MITF: variants seen among roughly 807,000 people sequenced by gnomAD.
MITF encodes microphthalmia-associated transcription factor.
In MITF, 17 loss-of-function variants were observed where a neutral mutation model predicts 60.5. The observed-to-expected ratio is 0.28, with a 90% CI of 0.19 to 0.42. The LOEUF (loss-of-function observed/expected upper bound fraction) is 0.42, where lower values mean the gene tolerates loss of function less well. Ranked by LOEUF, MITF falls within the 10% of genes least tolerant of loss-of-function variation. MITF has a pLI of 1.00. For missense variants in MITF, 622 were observed against 683.5 expected (o/e 0.91, Z 1.00); for synonymous variants, 260 against 248.5 (o/e 1.05, Z -0.43).
At position 69,856,602 on chromosome 3, in the gene MITF, T is replaced by C. The variant is rs567205827; in HGVS notation, c.105-22532T>C. On this transcript the variant is annotated intron_variant, in intron 1 of 9. Coordinates refer to ENST00000352241, the MANE Select transcript of MITF (RefSeq NM_001354604.2). ...TGAGATCATCTTGTATCCCACACTT[T>C]GGGAACTTTTGCTCAAGATTTACCA... 2.0e-5 allele frequency among the ~76,000 whole-genome samples: 3 copies of C among 152,308 alleles called. No homozygotes were observed. In the South Asian group the frequency reaches 6.2e-4, roughly 32 times the overall value.
At chr3:69,806,051 C>T (rs193155258) in intron 1 of MITF, among the ~76,000 whole-genome samples, 5 of 151,422 alleles carry the variant, frequency 3.3e-5, no homozygotes, top group East Asian at 3.9e-4. Flanking sequence ...CTTTGCAAAG[C>T]GGATTTGGGG....
At position 69,965,055 on chromosome 3, in the gene MITF, C is replaced by T; in HGVS notation, c.1388C>T (p.Thr463Ile). The T allele has an allele frequency of 6.2e-7, 1 of 1,614,152 alleles. No homozygotes were observed. The highest frequency in any genetic ancestry group is 1.1e-5 in the South Asian group (1 of 91,088). The change falls in exon 10 of 10, where the codon ACT (threonine) becomes ATT (isoleucine). Residue 463 changes from threonine (T) to isoleucine (I), a missense_variant. Coordinates refer to ENST00000352241, the MANE Select transcript of MITF (RefSeq NM_001354604.2). ...ATCACCTTCAACAACAACCTCGGAA[C>T]TGGGACTGAGGCCAACCAAGCCTAT... is the stretch of plus-strand genomic sequence containing the variant. ...GTITFNNNLG[T>I]GTEANQAYSV...
At chr3:69,830,232 T>G (rs1246412893) in intron 1 of MITF, among the ~76,000 whole-genome samples, 1 of 152,174 alleles carries the variant, frequency 6.6e-6, no homozygotes, top group Non-Finnish European at 1.5e-5. Flanking sequence ...AAGAGCCTTC[T>G]GCAGTTTGGC....
chr3:69,799,365 A>G (rs2062880803), intron 1 of MITF, among the ~76,000 whole-genome samples: 1 of 152,192 alleles, frequency 6.6e-6, no homozygotes. Flanking sequence ...GAAAGAGGAA[A>G]TAACTGGGAA....
intron 1 of MITF, among the ~76,000 whole-genome samples, chr3:69,767,467 C>A (rs1211640256): frequency 1.3e-5 from 2 of 152,028 alleles, no homozygotes; most frequent in Admixed American, 6.6e-5. Flanking sequence ...CACCTGTAAT[C>A]CCAGCTACTT....
At chr3:69,785,457 A>G (rs2062633140) in intron 1 of MITF, among the ~76,000 whole-genome samples, 1 of 152,208 alleles carries the variant, frequency 6.6e-6, no homozygotes, top group Non-Finnish European at 1.5e-5. Flanking sequence ...TCACATGACC[A>G]GTAAGCAATC....
chr3:69,827,534 G>T (rs945309917), intron 1 of MITF, among the ~76,000 whole-genome samples: 1 of 152,150 alleles, frequency 6.6e-6, no homozygotes, highest in Non-Finnish European at 1.5e-5. Context: ...TATGTCACTT[G>T]TACTCACATT....
intron 2 of MITF, among the ~76,000 whole-genome samples, chr3:69,903,105 A>G (rs1387730009): frequency 6.6e-6 from 1 of 152,218 alleles, no homozygotes; most frequent in Non-Finnish European, 1.5e-5. Flanking sequence ...ATGAAACCAT[A>G]GAGATGAAAA....
intron 1 of MITF, among the ~76,000 whole-genome samples, chr3:69,775,813 C>G (rs1319966773): frequency 6.6e-6 from 1 of 152,118 alleles, no homozygotes. Flanking sequence ...AGCAGAGTTA[C>G]CTACTGTGTG....
intron 1 of MITF, among the ~76,000 whole-genome samples, chr3:69,752,582 T>C (rs1458762890): frequency 3.3e-5 from 5 of 152,206 alleles, no homozygotes; most frequent in Non-Finnish European, 7.3e-5. Flanking sequence ...AAGAAATTTC[T>C]AAGCAGCAAA....
intron 1 of MITF, among the ~76,000 whole-genome samples, chr3:69,824,720 G>T (rs142801365): frequency 1.3e-5 from 2 of 152,254 alleles, no homozygotes; most frequent in Non-Finnish European, 2.9e-5. Flanking sequence ...ACTAGTGCCT[G>T]GCCCCTGCAG....
intron 2 of MITF, among the ~76,000 whole-genome samples, chr3:69,895,516 A>G (rs1266066945): frequency 1.3e-5 from 2 of 152,084 alleles, no homozygotes; most frequent in South Asian, 4.1e-4. Context: ...CAAATGTCCT[A>G]AAGTCTATAT....
At chr3:69,832,109 A>AT (rs1424424373) in intron 1 of MITF, among the ~76,000 whole-genome samples, 1 of 152,166 alleles carries the variant, frequency 6.6e-6, no homozygotes, top group South Asian at 2.1e-4. Flanking sequence ...AATACAATAC[A>AT]TGTCATTTTG....
At chr3:69,923,842 A>G (rs1410146847) in intron 2 of MITF, among the ~76,000 whole-genome samples, 2 of 152,206 alleles carry the variant, frequency 1.3e-5, no homozygotes, top group Non-Finnish European at 2.9e-5. Flanking sequence ...ACAGATTTTT[A>G]TAGATTTTCA....
intron 2 of MITF, among the ~76,000 whole-genome samples, chr3:69,884,357 G>A (rs896219058): frequency 6.6e-6 from 1 of 152,116 alleles, no homozygotes; most frequent in Non-Finnish European, 1.5e-5. Context: ...TTATCAGGTA[G>A]ACATAAACCC....
chr3:69,943,775 C>A (rs937093980), intron 5 of MITF, among the ~76,000 whole-genome samples: 1 of 151,958 alleles, frequency 6.6e-6, no homozygotes, highest in Non-Finnish European at 1.5e-5. Flanking sequence ...TTGTCATGAC[C>A]CCATATATGC....
At chr3:69,889,040 T>TG (rs1336222253) in intron 2 of MITF, among the ~76,000 whole-genome samples, 1 of 146,530 alleles carries the variant, frequency 6.8e-6, no homozygotes, top group Non-Finnish European at 1.5e-5. Context: ...TTTTTTTTTT[T>TG]TTTTTTTTTT....
chr3:69,746,219 A>G (rs1703722585), intron 1 of MITF, among the ~76,000 whole-genome samples: 1 of 152,222 alleles, frequency 6.6e-6, no homozygotes. Context: ...TATATGTTTA[A>G]TTCCCTTTGA....
intron 1 of MITF, among the ~76,000 whole-genome samples, chr3:69,830,755 A>G (rs1416815004): frequency 6.6e-6 from 1 of 152,136 alleles, no homozygotes; most frequent in Non-Finnish European, 1.5e-5. Flanking sequence ...TCTCCCTTTC[A>G]GTGTGCCCAA....
Sources: allele counts gnomAD v4.1 joint callset (sites outside exome capture counted in the v4.1 genomes callset), GRCh38; gene constraint gnomAD v4.1.1; transcripts MANE v1.5; gene names NCBI Gene and HGNC (gene_info 2026-07-23, HGNC 2026-07-21).